The following PAPPA variants were observed in gnomAD, a reference collection of about 807,000 sequenced individuals.
PAPPA encodes pappalysin 1, also known as pappalysin-1.
Under a neutral mutation model 164.0 loss-of-function variants are expected in PAPPA, and 60 were observed. That is an observed-to-expected ratio of 0.37 (90% CI 0.30 to 0.45). The LOEUF (loss-of-function observed/expected upper bound fraction) is 0.45. Among genes scored for constraint, PAPPA ranks in the 20% least tolerant of loss-of-function variants. PAPPA has a pLI of 1.00. For synonymous variants in PAPPA, 875 were observed against 814.1 expected (o/e 1.07, Z -1.27); for missense variants, 1,782 against 2,087.3 (o/e 0.85, Z 2.85).
intron 6 of PAPPA, among the ~76,000 whole-genome samples, chr9:116,229,483 G>A (rs449490): frequency 0.46 from 70,527 of 152,028 alleles, 17,021 homozygotes; most frequent in East Asian, 0.73. Context: ...TTTATAAAGC[G>A]GAAACTACTA....
intron 4 of PAPPA, among the ~76,000 whole-genome samples, chr9:116,215,762 C>G (rs1004344582): frequency 2.0e-5 from 3 of 151,978 alleles, no homozygotes; most frequent in African/African-American, 7.2e-5. Flanking sequence ...AAAAAACAAA[C>G]AAACAAAAAA....
At chr9:116,309,808 C>G (rs1845693137) in intron 10 of PAPPA, among the ~76,000 whole-genome samples, 1 of 152,120 alleles carries the variant, frequency 6.6e-6, no homozygotes, top group Non-Finnish European at 1.5e-5. Context: ...GGGAGTTTTT[C>G]TGAGTTTTTC....
At chr9:116,259,772 C>A in intron 7 of PAPPA, among the ~76,000 whole-genome samples, 1 of 152,146 alleles carries the variant, frequency 6.6e-6, no homozygotes, top group Admixed American at 6.6e-5. Context: ...TTATCTTAAC[C>A]TAATGATACC....
intron 7 of PAPPA, among the ~76,000 whole-genome samples, chr9:116,258,598 G>A (rs1180160143): frequency 6.6e-6 from 1 of 152,030 alleles, no homozygotes; most frequent in Non-Finnish European, 1.5e-5. Context: ...GGAGGTTGAG[G>A]TGAGCCGAGA....
chr9:116,275,833 C>G (rs1358048097), intron 9 of PAPPA, among the ~76,000 whole-genome samples: 1 of 152,140 alleles, frequency 6.6e-6, no homozygotes, highest in African/African-American at 2.4e-5. Flanking sequence ...CATTCCCATT[C>G]ACTTTTCAGA....
chr9:116,286,641 C>T (rs944685023), intron 9 of PAPPA: 2 of 152,060 alleles, frequency 1.3e-5, no homozygotes, highest in Admixed American at 1.3e-4. Flanking sequence ...AACAAAAACT[C>T]GGATTTCACT....
At chr9:116,206,541 T>C (rs1341663417) in intron 2 of PAPPA, among the ~76,000 whole-genome samples, 1 of 152,214 alleles carries the variant, frequency 6.6e-6, no homozygotes, top group East Asian at 1.9e-4. Flanking sequence ...TTTAATTCAA[T>C]TCCATCAAAA....
chr9:116,374,524 T>C (rs961584685), intron 19 of PAPPA, among the ~76,000 whole-genome samples: 1 of 151,994 alleles, frequency 6.6e-6, no homozygotes, highest in African/African-American at 2.4e-5. Flanking sequence ...CAGCCCTGAG[T>C]AATAGTGGAA....
intron 5 of PAPPA, among the ~76,000 whole-genome samples, chr9:116,225,288 C>G (rs1233000513): frequency 6.6e-6 from 1 of 152,160 alleles, no homozygotes; most frequent in East Asian, 1.9e-4. Flanking sequence ...GCTGAGGAAG[C>G]CTTTCTCTCC....
chr9:116,233,115 G>T (rs577310239), intron 6 of PAPPA, among the ~76,000 whole-genome samples: 35 of 152,216 alleles, frequency 2.3e-4, no homozygotes, highest in Non-Finnish European at 3.5e-4. Flanking sequence ...AATGTTAACA[G>T]GCTAGAAGGT....
At chr9:116,322,107 C>A (rs543321872) in intron 10 of PAPPA, among the ~76,000 whole-genome samples, 5 of 152,186 alleles carry the variant, frequency 3.3e-5, no homozygotes, top group Non-Finnish European at 7.4e-5. Flanking sequence ...ACACAGGCAG[C>A]ACCCATACTG....
chr9:116,208,428 A>T (rs556010168), intron 3 of PAPPA, among the ~76,000 whole-genome samples: 18 of 151,940 alleles, frequency 1.2e-4, no homozygotes, highest in African/African-American at 4.1e-4. Context: ...TATTTTTTTC[A>T]CTTAATCACA....
At chr9:116,298,980 T>C (rs1845545082) in intron 9 of PAPPA, among the ~76,000 whole-genome samples, 1 of 152,214 alleles carries the variant, frequency 6.6e-6, no homozygotes, top group East Asian at 1.9e-4. Flanking sequence ...GTTTTGTTGT[T>C]GCTGTCTTTG....
chr9:116,312,911 A>C (rs1845738639), intron 10 of PAPPA, among the ~76,000 whole-genome samples: 1 of 151,822 alleles, frequency 6.6e-6, no homozygotes, highest in Non-Finnish European at 1.5e-5. Context: ...GTGAAACCTC[A>C]TCTCTACTAA....
chr9:116,302,264 T>C (rs1254538564), intron 9 of PAPPA, among the ~76,000 whole-genome samples: 4 of 152,220 alleles, frequency 2.6e-5, no homozygotes, highest in Non-Finnish European at 5.9e-5. Context: ...CTTCTTTATA[T>C]ATTTTAAATG....
chr9:116,312,292 T>C lies in PAPPA; in HGVS notation c.3147+9342T>C, dbSNP rs548502043. Reference sequence around the variant, plus strand: ...TTTCTTTTCTTTTCTTTCTTTCTTTTTTTTTTTTTTTTTGTTATTGTTTTG... The same window carrying C: ...TTTCTTTTCTTTTCTTTCTTTCTTTCTTTTTTTTTTTTTGTTATTGTTTTG... On this transcript the variant is annotated intron_variant, in intron 10 of 21. Coordinates refer to ENST00000328252, the MANE Select transcript of PAPPA (RefSeq NM_002581.5). Among the ~76,000 whole-genome samples the C allele has an allele frequency of 2.5e-3, 351 of 140,274 alleles. 3 individuals are homozygous for C. The highest frequency in any genetic ancestry group is 5.7e-3 in the African/African-American group (231 of 40,506). The allele number at this position is 140,274 out of a possible 152,430, so 92.0% of individuals were successfully genotyped here.
chr9:116,284,595 C>T (rs571425610), intron 9 of PAPPA, among the ~76,000 whole-genome samples: 1 of 108,568 alleles, frequency 9.2e-6, no homozygotes, highest in African/African-American at 3.7e-5. Context: ...TATCTAATTG[C>T]TCTACTTTGA....
At chr9:116,302,972 G>T (rs768565208) in intron 10 of PAPPA, 22 bp downstream of exon 10, 2 of 1,605,326 alleles carry the variant, frequency 1.2e-6, no homozygotes, top group Admixed American at 3.3e-5. Context: ...ACCATGTGTG[G>T]CATTTCCTGC....
At chr9:116,375,181 C>T (rs1180214234) in intron 19 of PAPPA, among the ~76,000 whole-genome samples, 1 of 152,202 alleles carries the variant, frequency 6.6e-6, no homozygotes, top group East Asian at 1.9e-4. Flanking sequence ...CAAAGCAATT[C>T]CAAATCAGAA....
Sources: allele counts gnomAD v4.1 joint callset (sites outside exome capture counted in the v4.1 genomes callset), GRCh38; gene constraint gnomAD v4.1.1; transcripts MANE v1.5; gene names NCBI Gene and HGNC (gene_info 2026-07-23, HGNC 2026-07-21).